The following PLXNA2 variants were observed in gnomAD, a reference collection of about 807,000 sequenced individuals.
PLXNA2 encodes the protein plexin A2.
A neutral mutation model predicts 193.5 loss-of-function variants in PLXNA2; 91 were observed. That is an observed-to-expected ratio of 0.47 (90% CI 0.40 to 0.56). PLXNA2 has a LOEUF of 0.56. PLXNA2 is among the 20% of genes least tolerant of loss of function. The probability of loss-of-function intolerance (pLI) is 0.00; values close to 1 mark genes in which losing one functional copy is unlikely to be tolerated. For synonymous variants in PLXNA2, 997 were observed against 1,027.3 expected, an observed-to-expected ratio of 0.97 and a Z score of 0.56; for missense variants, 1,995 against 2,503.2, an observed-to-expected ratio of 0.80 and a Z score of 4.33.
chr1:208,195,393 C>T (rs1299776639), intron 3 of PLXNA2, among the ~76,000 whole-genome samples: 1 of 152,166 alleles, frequency 6.6e-6, no homozygotes, highest in Non-Finnish European at 1.5e-5. Flanking sequence ...TCTTGACTCT[C>T]CTGTGAGTAG....
intron 3 of PLXNA2, among the ~76,000 whole-genome samples, chr1:208,204,575 C>T (rs1670655590): frequency 6.6e-6 from 1 of 152,226 alleles, no homozygotes; most frequent in Admixed American, 6.5e-5. Context: ...CCTTCCTTCG[C>T]AACCAACCAC....
chr1:208,062,032 T>C (rs1234289177), intron 12 of PLXNA2, among the ~76,000 whole-genome samples: 1 of 152,146 alleles, frequency 6.6e-6, no homozygotes, highest in Non-Finnish European at 1.5e-5. Context: ...GTGTTCTTTT[T>C]ACTACACCAT....
intron 12 of PLXNA2, among the ~76,000 whole-genome samples, chr1:208,078,938 T>C (rs763824799): frequency 6.6e-6 from 1 of 152,202 alleles, no homozygotes; most frequent in African/African-American, 2.4e-5. Context: ...TCACCCACCA[T>C]GGAGCCAATT....
At chr1:208,120,372 G>C (rs543562020) in intron 4 of PLXNA2, among the ~76,000 whole-genome samples, 2 of 152,310 alleles carry the variant, frequency 1.3e-5, no homozygotes, top group African/African-American at 4.8e-5. Flanking sequence ...ATCAGAGAGG[G>C]GGTGAAGCTT....
Position 208,092,776 on chromosome 1 carries a change from C to A in PLXNA2, c.2097+10G>T, listed in dbSNP as rs1666757989. ...GGGAACACTGCCATGTTAGGGTAAGCCCTTCTTACCTCTGAAATATTGATC... is the reference window on the plus strand; with the variant it reads ...GGGAACACTGCCATGTTAGGGTAAGACCTTCTTACCTCTGAAATATTGATC... On this transcript the variant is annotated intron_variant, in intron 9 of 31. Coordinates refer to ENST00000367033, the MANE Select transcript of PLXNA2 (RefSeq NM_025179.4). 1 of 1,572,490 alleles carries A rather than the reference C, an allele frequency of 6.4e-7. No homozygotes were observed. Among genetic ancestry groups the A allele is most frequent in the Non-Finnish European group, 8.7e-7 (1 of 1,143,144 alleles).
rs1571857351 is a variant in PLXNA2, at chr1:208,045,214, T to C, written c.3496-4A>G. ...CAGGAGGGCAGAGGTTTTTGCCCTG[T>C]AGAGAATAGCAGTCTTTATAGGCAT... On this transcript the variant is annotated splice_region_variant and splice_polypyrimidine_tract_variant and intron_variant, in intron 18 of 31. Coordinates refer to ENST00000367033, the MANE Select transcript of PLXNA2 (RefSeq NM_025179.4). The C allele has an allele frequency of 1.2e-6, 2 of 1,613,834 alleles. No homozygotes were observed. Among genetic ancestry groups the C allele is most frequent in the East Asian group, 2.2e-5 (1 of 44,872 alleles).
At position 208,168,913 on chromosome 1, in the gene PLXNA2, G is replaced by A. The variant is rs542853798; in HGVS notation, c.1372-26450C>T. On this transcript the variant is annotated intron_variant, in intron 3 of 31. Coordinates refer to ENST00000367033, the MANE Select transcript of PLXNA2 (RefSeq NM_025179.4). ...GGCACAAGAAGCAGGACCTCTGGGAGTCAGAATACCAGGCTTCTCCAGGAT... is the reference window on the plus strand; with the variant it reads ...GGCACAAGAAGCAGGACCTCTGGGAATCAGAATACCAGGCTTCTCCAGGAT... Among the ~76,000 whole-genome samples, 63 of 151,930 alleles carry A rather than the reference G, an allele frequency of 4.1e-4. 1 individual carries two copies. The highest frequency in any genetic ancestry group is 1.4e-3 in the African/African-American group (60 of 41,438).
chr1:208,168,723 G>GTTTTT lies in PLXNA2; in HGVS notation c.1372-26261_1372-26260insAAAAA, dbSNP rs751893998. 3.6e-3 allele frequency among the ~76,000 whole-genome samples: 363 copies of GTTTTT among 102,222 alleles called. 60 individuals carry two copies. Among genetic ancestry groups the GTTTTT allele is most frequent in the African/African-American group, 4.2e-3 (119 of 28,266 alleles). 67.1% of individuals were successfully genotyped at this position (102,222 alleles called of 152,430 possible). ...CAAAAAGAAGACAAAGAGTATGCGG[G>GTTTTT]GTTTTTTTTTTTTTTTTTTTTTTTT... On this transcript the variant is annotated intron_variant, in intron 3 of 31. Transcript: ENST00000367033.
chr1:208,134,844 T>C (rs187444731), intron 4 of PLXNA2, among the ~76,000 whole-genome samples: 172 of 152,334 alleles, frequency 1.1e-3, no homozygotes, highest in Non-Finnish European at 2.1e-3. Flanking sequence ...TCTGGAAGTG[T>C]GACTCCCCAC....
In PLXNA2 at chr1:208,097,021, T is replaced by C. The variant is rs571494785; in HGVS notation, c.1732-138A>G. 2.3e-4 allele frequency: 160 copies of C among 686,378 alleles called. 2 individuals carry two copies. The South Asian group carries it at 3.2e-3, about 14-fold the overall frequency. 42.5% of individuals were successfully genotyped at this position (686,378 alleles called of 1,614,324 possible). A position where few individuals can be genotyped will look rare whatever the true frequency, so the allele number is the denominator to read the frequency against. ...AAAAGAAGGATGTTGGTCTAAGTGG[T>C]CTTCCAGCTTTGAACACTGAAGTTA... On this transcript the variant is annotated intron_variant, in intron 6 of 31. Coordinates refer to ENST00000367033, the MANE Select transcript of PLXNA2 (RefSeq NM_025179.4).
chr1:208,111,400 C>T (rs975068644), intron 4 of PLXNA2, among the ~76,000 whole-genome samples: 2 of 152,014 alleles, frequency 1.3e-5, no homozygotes, highest in African/African-American at 4.8e-5. Flanking sequence ...AGGACCAGAA[C>T]GATAATGGAA....
intron 3 of PLXNA2, among the ~76,000 whole-genome samples, chr1:208,184,260 G>A (rs980519456): frequency 2.6e-5 from 4 of 152,138 alleles, no homozygotes; most frequent in South Asian, 2.1e-4. Flanking sequence ...CTGCCAACCC[G>A]AAGGTTTTCT....
chr1:208,031,672 A>G lies in PLXNA2; in HGVS notation c.5143T>C (p.Tyr1715His). Residue 1715 changes from tyrosine to histidine, a missense_variant, in exon 29 of 32, where the codon TAC becomes CAC. By Grantham distance (83) the Tyr-to-His change is moderately conservative (BLOSUM62 2). Around this residue, in one of 3 missense-constraint regions of PLXNA2, gnomAD observed 1,291 missense variants for 1,673.6 expected, o/e 0.77. Transcript: ENST00000367033. ...RGSALPLAIK[Y>H]MFDFLDEQAD... ...TGCTCATCTAGGAAATCAAACATGT[A>G]CTTGATGGCCAGGGGGAGAGCGCTG... 1 of 1,613,404 alleles carries G rather than the reference A, an allele frequency of 6.2e-7. No individual in the cohort carries two copies. The highest frequency in any genetic ancestry group is 8.5e-7 in the Non-Finnish European group (1 of 1,179,858).
intron 1 of PLXNA2, among the ~76,000 whole-genome samples, chr1:208,224,230 T>C (rs17259450): frequency 0.046 from 7,039 of 152,104 alleles, 228 homozygotes; most frequent in Middle Eastern, 0.11. Flanking sequence ...AAATAATTAT[T>C]AGAGTGAAGG....
chr1:208,139,907 C>T (rs529316421), intron 4 of PLXNA2, among the ~76,000 whole-genome samples: 7 of 152,274 alleles, frequency 4.6e-5, no homozygotes, highest in African/African-American at 1.2e-4. Context: ...ACACAATTTA[C>T]GGCTCTCCAG....
At chr1:208,215,628 A>G (rs1192336213) in intron 2 of PLXNA2, among the ~76,000 whole-genome samples, 1 of 151,072 alleles carries the variant, frequency 6.6e-6, no homozygotes, top group East Asian at 2.0e-4. Context: ...AGATGGATGG[A>G]TGGATGATGG....
At chr1:208,055,196 C>T (rs944310861) in intron 13 of PLXNA2, among the ~76,000 whole-genome samples, 8 of 152,110 alleles carry the variant, frequency 5.3e-5, no homozygotes, top group Admixed American at 1.3e-4. Flanking sequence ...TGAGCACACC[C>T]GGTGGGAGAG....
intron 1 of PLXNA2, among the ~76,000 whole-genome samples, chr1:208,221,835 C>A (rs1031864262): frequency 1.3e-5 from 2 of 152,150 alleles, no homozygotes; most frequent in African/African-American, 2.4e-5. Flanking sequence ...AATGCATGAG[C>A]TCTGAACTTA....
At chr1:208,066,382 G>A (rs1378662313) in intron 12 of PLXNA2, among the ~76,000 whole-genome samples, 4 of 152,166 alleles carry the variant, frequency 2.6e-5, no homozygotes, top group Non-Finnish European at 4.4e-5. Flanking sequence ...GACCCCCAGA[G>A]TCCTGGCCCT....
Sources: gnomAD v4.1 joint callset for allele counts (sites outside exome capture counted in the v4.1 genomes callset) on GRCh38, gnomAD v4.1.1 for gene constraint, gnomAD v4.1.1 regional missense constraint, MANE v1.5 for transcripts, NCBI Gene and HGNC (gene_info 2026-07-23, HGNC 2026-07-21) for gene names.